The following SLIT2 variants were observed in gnomAD, a reference collection of about 807,000 sequenced individuals.
SLIT2 encodes slit homolog 2 protein.
Under a neutral mutation model 185.7 loss-of-function variants are expected in SLIT2, and 41 were observed. The observed-to-expected ratio is 0.22, with a 90% CI of 0.17 to 0.29. The LOEUF (loss-of-function observed/expected upper bound fraction) is 0.29. Among genes scored for constraint, SLIT2 ranks in the 10% least tolerant of loss-of-function variants. SLIT2 has a pLI of 1.00. For synonymous variants in SLIT2, 693 were observed against 680.2 expected, an observed-to-expected ratio of 1.02 and a Z score of -0.29; for missense variants, 1,571 against 1,909.0, an observed-to-expected ratio of 0.82 and a Z score of 3.30.
intron 4 of SLIT2, among the ~76,000 whole-genome samples, chr4:20,302,983 TTATCTA>T (rs1717194724): frequency 2.0e-5 from 3 of 149,608 alleles, no homozygotes; most frequent in Non-Finnish European, 4.4e-5. Flanking sequence ...TCTTATCCCA[TTATCTA>T]CATTAAATCT....
At chr4:20,306,395 C>G (rs1380079774) in intron 4 of SLIT2, among the ~76,000 whole-genome samples, 1 of 152,118 alleles carries the variant, frequency 6.6e-6, no homozygotes, top group African/African-American at 2.4e-5. Flanking sequence ...GTAGCTTATG[C>G]TCCTTTCCCA....
At chr4:20,566,090 G>A (rs890254877) in intron 26 of SLIT2, among the ~76,000 whole-genome samples, 2 of 152,042 alleles carry the variant, frequency 1.3e-5, no homozygotes, top group African/African-American at 4.8e-5. Flanking sequence ...GTTTATGTGA[G>A]TAGAAGTTAT....
intron 4 of SLIT2, among the ~76,000 whole-genome samples, chr4:20,408,689 C>G (rs958865584): frequency 6.6e-6 from 1 of 152,112 alleles, no homozygotes; most frequent in African/African-American, 2.4e-5. Flanking sequence ...CAGCTTCTAT[C>G]GCTCTAATAG....
chr4:20,456,943 T>C (rs1713134815), intron 4 of SLIT2, among the ~76,000 whole-genome samples: 1 of 152,070 alleles, frequency 6.6e-6, no homozygotes, highest in Admixed American at 6.6e-5. Context: ...TCATTAAAGA[T>C]ATTTGGATCA....
intron 9 of SLIT2, among the ~76,000 whole-genome samples, chr4:20,501,798 C>T (rs181816482): frequency 3.3e-5 from 5 of 152,054 alleles, no homozygotes; most frequent in Admixed American, 6.6e-5. Context: ...ATTGTATATG[C>T]GTATCTTGAG....
At position 20,254,846 on chromosome 4, in the gene SLIT2, C is replaced by T. The variant is rs1003874911; in HGVS notation, c.179+852C>T. On this transcript the variant is annotated intron_variant, in intron 1 of 36. Coordinates refer to ENST00000504154, the MANE Select transcript of SLIT2 (RefSeq NM_004787.4). This position sits in a 1 kb window ranked among gnomAD's most constrained non-coding sequence, Gnocchi z 5.1. ...CACCTTTCTGGCAGTTTCTGCGCCC[C>T]TTCACGTGGCAGCAGTTCCCCTGCC... is the stretch of plus-strand genomic sequence containing the variant. The T allele has an allele frequency of 2.3e-6, 1 of 443,490 alleles. No homozygotes were observed. The highest frequency in any genetic ancestry group is 2.0e-5 in the African/African-American group (1 of 49,894). 27.5% of individuals were successfully genotyped at this position (443,490 alleles called of 1,614,324 possible). A position where few individuals can be genotyped will look rare whatever the true frequency, so the allele number is the denominator to read the frequency against.
rs534264502 is a variant in SLIT2, at chr4:20,557,409, G to A, written c.2725+3441G>A. ...AAATCCTAGAGCCCTTGATAATTAC[G>A]GTAAATCTACTCTGCTTATGCTCTA... On this transcript the variant is annotated intron_variant, in intron 26 of 36. Transcript: ENST00000504154. 2.4e-4 allele frequency among the ~76,000 whole-genome samples: 37 copies of A among 152,030 alleles called. No individual in the cohort carries two copies. The South Asian group carries it at 5.8e-3, about 24-fold the overall frequency.
At chr4:20,601,491 AT>A (rs1728408507) in intron 33 of SLIT2, among the ~76,000 whole-genome samples, 1 of 152,228 alleles carries the variant, frequency 6.6e-6, no homozygotes, top group African/African-American at 2.4e-5. Flanking sequence ...CTGTGTTCCC[AT>A]TGCATTCCTT....
intron 4 of SLIT2, among the ~76,000 whole-genome samples, chr4:20,347,158 C>T (rs1224731418): frequency 3.3e-5 from 5 of 152,108 alleles, no homozygotes; most frequent in Admixed American, 1.3e-4. Context: ...GAAAAGGAAG[C>T]GGATTGGCAC....
rs1723448260 is a variant in SLIT2, at chr4:20,548,469, A to G, written c.2346-19A>G. The G allele has an allele frequency of 7.2e-7, 1 of 1,388,924 alleles. No individual in the cohort carries two copies. 86.0% of individuals were successfully genotyped at this position (1,388,924 alleles called of 1,614,324 possible). A position where few individuals can be genotyped will look rare whatever the true frequency, so the allele number is the denominator to read the frequency against. The stretch of plus-strand genomic sequence containing the variant: ...ATTTCTGTGGTTAATAGTGTACTCC[A>G]TTTCTTTTTCTCTTTTAGAGACTTA... On this transcript the variant is annotated intron_variant, in intron 22 of 36. Coordinates refer to ENST00000504154, the MANE Select transcript of SLIT2 (RefSeq NM_004787.4).
intron 4 of SLIT2, among the ~76,000 whole-genome samples, chr4:20,335,034 A>G (rs1031464297): frequency 6.6e-6 from 1 of 152,182 alleles, no homozygotes; most frequent in Non-Finnish European, 1.5e-5. Context: ...TTCATCTTAG[A>G]TATATGCAAT....
intron 29 of SLIT2, among the ~76,000 whole-genome samples, chr4:20,579,327 A>T (rs981511653): frequency 6.6e-6 from 1 of 151,998 alleles, no homozygotes; most frequent in Non-Finnish European, 1.5e-5. Flanking sequence ...AGCCCAGCCA[A>T]CAATTCTTCA....
At chr4:20,580,760 T>C (rs1726492057) in intron 29 of SLIT2, among the ~76,000 whole-genome samples, 1 of 152,186 alleles carries the variant, frequency 6.6e-6, no homozygotes, top group Non-Finnish European at 1.5e-5. Context: ...AGAGCTAATC[T>C]ACACTACTGT....
intron 4 of SLIT2, among the ~76,000 whole-genome samples, chr4:20,297,310 C>A (rs1716576912): frequency 2.0e-5 from 3 of 152,058 alleles, no homozygotes; most frequent in Admixed American, 2.0e-4. Context: ...ACTTTGTTTT[C>A]CTGAATTTTA....
chr4:20,368,105 A>G (rs1417112677), intron 4 of SLIT2, among the ~76,000 whole-genome samples: 1 of 151,966 alleles, frequency 6.6e-6, no homozygotes, highest in Non-Finnish European at 1.5e-5. Context: ...TTCTGTAAAC[A>G]TGATTCTTGA....
At position 20,617,078 on chromosome 4, in the gene SLIT2, A is replaced by T. The variant is rs1442767165; in HGVS notation, c.4016A>T (p.Lys1339Met). 1 of 1,614,168 alleles carries T rather than the reference A, an allele frequency of 6.2e-7. No individual in the cohort carries two copies. The highest frequency in any genetic ancestry group is 2.2e-5 in the East Asian group (1 of 44,860). The change falls in exon 35 of 37, where the codon AAG becomes ATG. Residue 1339 changes from lysine to methionine, a missense_variant. By Grantham distance (95) the Lys-to-Met change is moderately conservative. Around this residue, in one of 3 missense-constraint regions of SLIT2, gnomAD observed 223 missense variants for 245.2 expected, o/e 0.91. Coordinates refer to ENST00000504154, the MANE Select transcript of SLIT2 (RefSeq NM_004787.4). ...CCTGGCTGTGAGCCATGCCACAAGA[A>T]GGTGTGTGCCCATGGCACATGCCAG... ...ILPGCEPCHK[K>M]VCAHGTCQPS...
At chr4:20,331,764 C>T (rs925760074) in intron 4 of SLIT2, among the ~76,000 whole-genome samples, 1 of 152,086 alleles carries the variant, frequency 6.6e-6, no homozygotes, top group African/African-American at 2.4e-5. Flanking sequence ...ACAAAAGAAT[C>T]CCAGTACCCA....
chr4:20,351,468 A>C (rs142243974), intron 4 of SLIT2, among the ~76,000 whole-genome samples: 127 of 152,308 alleles, frequency 8.3e-4, no homozygotes, highest in African/African-American at 2.8e-3. Flanking sequence ...CTGTCTTCAT[A>C]AATTGGCCTT....
chr4:20,361,602 A>G (rs1722750223), intron 4 of SLIT2, among the ~76,000 whole-genome samples: 1 of 152,076 alleles, frequency 6.6e-6, no homozygotes, highest in African/African-American at 2.4e-5. Flanking sequence ...TTTTGTACAA[A>G]CCTAATATGT....
Sources: allele counts gnomAD v4.1 joint callset (sites outside exome capture counted in the v4.1 genomes callset), GRCh38; gene constraint gnomAD v4.1.1; regional missense constraint gnomAD v4.1.1; non-coding constraint Gnocchi (gnomAD v3.1); transcripts MANE v1.5; gene names NCBI Gene and HGNC (gene_info 2026-07-23, HGNC 2026-07-21).